The following KRT32 variants were observed in gnomAD, a reference collection of about 807,000 sequenced individuals.
KRT32 encodes keratin, type I cuticular Ha2.
In KRT32, 44 loss-of-function variants were observed where a neutral mutation model predicts 41.8. The ratio of observed to expected loss-of-function variants is 1.05; its 90% CI spans 0.83 to 1.35. The LOEUF (loss-of-function observed/expected upper bound fraction) is 1.35, where lower values mean the gene tolerates loss of function less well. Among genes scored for constraint, KRT32 ranks in the 40% most tolerant of loss-of-function variants. The probability of loss-of-function intolerance (pLI) is 0.00; values close to 1 mark genes in which losing one functional copy is unlikely to be tolerated. For missense variants in KRT32, 576 were observed against 584.6 expected (o/e 0.99, Z 0.15); for synonymous variants, 238 against 242.5 (o/e 0.98, Z 0.17).
In KRT32 at chr17:41,460,196, C is replaced by A; in HGVS notation, c.1261G>T (p.Val421Leu). ...PCSTPSCTTC[V>L]PSPCVPRTVC... ...GTGCGGGGCACGCATGGGGAGGGCACACAGGTGGTGCAGGAAGGAGTGGAG... is the reference window on the plus strand; with the variant it reads ...GTGCGGGGCACGCATGGGGAGGGCAAACAGGTGGTGCAGGAAGGAGTGGAG... Residue 421 changes from valine to leucine, a missense_variant, in exon 7 of 7, where the codon GTG (valine) becomes TTG (leucine). Val to Leu is a conservative substitution (Grantham distance 32, BLOSUM62 1). Transcript: ENST00000225899. The A allele has an allele frequency of 6.2e-7, 1 of 1,611,470 alleles. No individual in the cohort carries two copies. Among genetic ancestry groups the A allele is most frequent in the East Asian group, 2.2e-5 (1 of 44,784 alleles).
rs1360753275 is a variant in KRT32 at position 41,464,404 on chromosome 17, T to C, written c.748A>G (p.Asn250Asp). The part of the protein sequence containing the change: ...SLRCQLGDRL[N>D]IEVDAAPPVD... ...GGGGGTGCAGCGTCCACCTCGATGT[T>C]AAGGCGGTCCCCAAGCTGGCATCGA... is the stretch of plus-strand genomic sequence containing the variant. The change falls in exon 4 of 7, where the codon AAC becomes GAC. Residue 250 changes from asparagine to aspartate, a missense_variant. Coordinates refer to ENST00000225899, the MANE Select transcript of KRT32 (RefSeq NM_002278.3). The C allele has an allele frequency of 6.3e-7, 1 of 1,594,118 alleles. No homozygotes were observed. The highest frequency in any genetic ancestry group is 8.5e-7 in the Non-Finnish European group (1 of 1,170,856).
Sources: allele counts gnomAD v4.1 joint callset, GRCh38; gene constraint gnomAD v4.1.1; transcripts MANE v1.5; gene names NCBI Gene and HGNC (gene_info 2026-07-23, HGNC 2026-07-21).